Variants in GRID2 observed in about 807,000 individuals in gnomAD.
GRID2 encodes glutamate ionotropic receptor delta type subunit 2.
GRID2 carries 33 observed loss-of-function variants against 114.8 expected under a neutral mutation model. The observed-to-expected ratio is 0.29, with a 90% confidence interval of 0.22 to 0.38. The LOEUF is 0.38. Ranked by LOEUF, GRID2 falls within the 10% of genes least tolerant of loss-of-function variation. The probability of loss-of-function intolerance (pLI) is 1.00; values close to 1 mark genes in which losing one functional copy is unlikely to be tolerated. For synonymous variants in GRID2, 505 were observed against 449.9 expected, an observed-to-expected ratio of 1.12 and a Z score of -1.55; for missense variants, 1,184 against 1,257.7, an observed-to-expected ratio of 0.94 and a Z score of 0.89.
intron 14 of GRID2, among the ~76,000 whole-genome samples, chr4:93,727,452 T>C (rs1362906731): frequency 6.6e-6 from 1 of 152,188 alleles, no homozygotes; most frequent in African/African-American, 2.4e-5. Context: ...ATTCTCTTTT[T>C]TGGTTGTGTC....
intron 1 of GRID2, among the ~76,000 whole-genome samples, chr4:92,309,816 A>T (rs1044678492): frequency 6.6e-6 from 1 of 151,938 alleles, no homozygotes; most frequent in East Asian, 1.9e-4. Flanking sequence ...TTCTCTATGA[A>T]TAAAATCTAA....
intron 2 of GRID2, among the ~76,000 whole-genome samples, chr4:92,799,036 G>C (rs891305907): frequency 6.6e-6 from 1 of 151,960 alleles, no homozygotes; most frequent in African/African-American, 2.4e-5. Flanking sequence ...TGGGGGCTGG[G>C]TAGATGGTTT....
At chr4:93,472,504 A>G (rs1236228388) in intron 11 of GRID2, among the ~76,000 whole-genome samples, 2 of 152,212 alleles carry the variant, frequency 1.3e-5, no homozygotes, top group African/African-American at 2.4e-5. Flanking sequence ...CTAAATGATC[A>G]ATGTGGTGGA....
intron 1 of GRID2, among the ~76,000 whole-genome samples, chr4:92,547,656 A>G (rs1389978250): frequency 6.6e-6 from 1 of 150,478 alleles, no homozygotes; most frequent in Non-Finnish European, 1.5e-5. Context: ...ATAGTTAAAA[A>G]TCCTGAAAAG....
At chr4:93,153,188 C>T (rs1319218553) in intron 4 of GRID2, among the ~76,000 whole-genome samples, 1 of 152,042 alleles carries the variant, frequency 6.6e-6, no homozygotes, top group South Asian at 2.1e-4. Context: ...TCCTATTTCA[C>T]ATAAGATGAT....
intron 14 of GRID2, among the ~76,000 whole-genome samples, chr4:93,725,238 G>C (rs1002772283): frequency 6.6e-6 from 1 of 152,086 alleles, no homozygotes; most frequent in Non-Finnish European, 1.5e-5. Flanking sequence ...GCGGTGTTTG[G>C]TTTTCTGTCC....
intron 1 of GRID2, among the ~76,000 whole-genome samples, chr4:92,467,223 C>T (rs554497239): frequency 2.6e-5 from 4 of 151,728 alleles, no homozygotes; most frequent in Non-Finnish European, 4.4e-5. Context: ...TTATTTATCA[C>T]GTTGATTATA....
At chr4:92,940,140 T>G (rs1411345717) in intron 2 of GRID2, among the ~76,000 whole-genome samples, 1 of 147,304 alleles carries the variant, frequency 6.8e-6, no homozygotes, top group Non-Finnish European at 1.5e-5. Flanking sequence ...GCATTGAAAC[T>G]ATAAATTACC....
chr4:93,194,192 T>G (rs186256180), intron 4 of GRID2, among the ~76,000 whole-genome samples: 1 of 152,230 alleles, frequency 6.6e-6, no homozygotes, highest in East Asian at 1.9e-4. Flanking sequence ...TCTTATCACT[T>G]GAGATGAAAA....
At chr4:93,252,952 A>G (rs933961877) in intron 8 of GRID2, among the ~76,000 whole-genome samples, 2 of 152,124 alleles carry the variant, frequency 1.3e-5, no homozygotes, top group African/African-American at 4.8e-5. Context: ...AATTTTACAT[A>G]TAATAATAAA....
intron 2 of GRID2, among the ~76,000 whole-genome samples, chr4:92,703,436 G>T (rs1181160177): frequency 6.6e-6 from 1 of 152,012 alleles, no homozygotes; most frequent in Non-Finnish European, 1.5e-5. Context: ...AGAAGGTTCA[G>T]TTTATGATGA....
At chr4:92,498,019 A>C (rs1723480057) in intron 1 of GRID2, among the ~76,000 whole-genome samples, 1 of 151,882 alleles carries the variant, frequency 6.6e-6, no homozygotes, top group Non-Finnish European at 1.5e-5. Context: ...CTCAGTGATA[A>C]TCAAAAACAA....
At chr4:92,983,631 T>A (rs1217670166) in intron 2 of GRID2, among the ~76,000 whole-genome samples, 2 of 152,148 alleles carry the variant, frequency 1.3e-5, no homozygotes, top group African/African-American at 4.8e-5. Flanking sequence ...GAAGGAATAA[T>A]TCATTATTAT....
chr4:93,644,761 A>G (rs1028258653), intron 14 of GRID2, among the ~76,000 whole-genome samples: 1 of 152,176 alleles, frequency 6.6e-6, no homozygotes, highest in Non-Finnish European at 1.5e-5. Flanking sequence ...GAGAAAATAG[A>G]CTGGGTCTCA....
intron 2 of GRID2, among the ~76,000 whole-genome samples, chr4:92,862,067 A>T (rs1744568323): frequency 6.6e-6 from 1 of 152,012 alleles, no homozygotes; most frequent in Non-Finnish European, 1.5e-5. Context: ...TGCTGAAAAT[A>T]TGAAGGCCTG....
At chr4:93,239,103 G>T (rs1422525703) in intron 8 of GRID2, among the ~76,000 whole-genome samples, 3 of 147,134 alleles carry the variant, frequency 2.0e-5, no homozygotes, top group Non-Finnish European at 3.0e-5. Context: ...CTATAATTCG[G>T]ATTTGCTATA....
rs528183781 is a variant in GRID2 at position 93,519,372 on chromosome 4, C to T, written c.2193+3961C>T. On this transcript the variant is annotated intron_variant, in intron 13 of 15. Coordinates refer to ENST00000282020, the MANE Select transcript of GRID2 (RefSeq NM_001510.4). Reference sequence around the variant, plus strand: ...CATGGGAAGTTCATTTCTCTTAAAACGCAAATACATCTTAAAAGACTATGA... The same window carrying T: ...CATGGGAAGTTCATTTCTCTTAAAATGCAAATACATCTTAAAAGACTATGA... 1.1e-4 allele frequency among the ~76,000 whole-genome samples: 16 copies of T among 152,254 alleles called. 1 individual carries two copies. The South Asian group carries it at 1.9e-3, about 18-fold the overall frequency.
chr4:93,259,430 A>T (rs1213469293), intron 8 of GRID2, among the ~76,000 whole-genome samples: 1 of 151,822 alleles, frequency 6.6e-6, no homozygotes, highest in Non-Finnish European at 1.5e-5. Flanking sequence ...GACTGTGTTC[A>T]TTACCTTGAT....
intron 1 of GRID2, among the ~76,000 whole-genome samples, chr4:92,453,786 C>T (rs1284426190): frequency 1.3e-5 from 2 of 151,922 alleles, no homozygotes; most frequent in African/African-American, 2.4e-5. Flanking sequence ...ATTTTTTTTA[C>T]AAGTAGAAAA....
Sources: allele counts gnomAD v4.1 joint callset (sites outside exome capture counted in the v4.1 genomes callset), GRCh38; gene constraint gnomAD v4.1.1; transcripts MANE v1.5; gene names NCBI Gene and HGNC (gene_info 2026-07-23, HGNC 2026-07-21).